The following TSPAN9 variants were observed in gnomAD, a reference collection of about 807,000 sequenced individuals.
TSPAN9 encodes the protein tetraspanin-9.
Under a neutral mutation model 31.0 loss-of-function variants are expected in TSPAN9, and 16 were observed. The ratio of observed to expected loss-of-function variants is 0.52; its 90% confidence interval spans 0.35 to 0.78. The LOEUF (loss-of-function observed/expected upper bound fraction) is 0.78, where lower values mean the gene tolerates loss of function less well. Ranked by LOEUF, TSPAN9 falls within the 30% of genes least tolerant of loss-of-function variation. The probability of loss-of-function intolerance (pLI) is 0.01; values close to 1 mark genes in which losing one functional copy is unlikely to be tolerated. For missense variants in TSPAN9, 272 were observed against 312.5 expected, an observed-to-expected ratio of 0.87 and a Z score of 0.98; for synonymous variants, 145 against 121.6, an observed-to-expected ratio of 1.19 and a Z score of -1.27.
chr12:3,249,842 C>T (rs1300114217), intron 3 of TSPAN9, among the ~76,000 whole-genome samples: 4 of 152,164 alleles, frequency 2.6e-5, no homozygotes, highest in Non-Finnish European at 2.9e-5. Context: ...CTCCAAATCC[C>T]GCATGTTTTC....
chr12:3,089,544 C>G (rs1433645175), intron 2 of TSPAN9, among the ~76,000 whole-genome samples: 2 of 151,934 alleles, frequency 1.3e-5, no homozygotes, highest in Non-Finnish European at 2.9e-5. Flanking sequence ...ATCCGCCCTC[C>G]TTGGCCTCCC....
chr12:3,126,426 A>G (rs979086641), intron 2 of TSPAN9, among the ~76,000 whole-genome samples: 6 of 152,222 alleles, frequency 3.9e-5, no homozygotes, highest in Admixed American at 6.5e-5. Flanking sequence ...ACTGTAGGCA[A>G]TTCTAACACA....
chr12:3,186,330 T>C (rs2098361292), intron 2 of TSPAN9, among the ~76,000 whole-genome samples: 1 of 152,136 alleles, frequency 6.6e-6, no homozygotes, highest in South Asian at 2.1e-4. Flanking sequence ...TGGAGTGTGC[T>C]GGGGGAGGTA....
chr12:3,276,817 C>T (rs1327657894), intron 3 of TSPAN9, among the ~76,000 whole-genome samples: 3 of 152,134 alleles, frequency 2.0e-5, no homozygotes, highest in South Asian at 2.1e-4. Context: ...GCACTGAATA[C>T]GCAGGTGTTC....
At chr12:3,095,880 C>G (rs1312590004) in intron 2 of TSPAN9, among the ~76,000 whole-genome samples, 1 of 148,962 alleles carries the variant, frequency 6.7e-6, no homozygotes, top group Non-Finnish European at 1.5e-5. Flanking sequence ...GGGCTCCTCA[C>G]ATCCCAGACG....
intron 2 of TSPAN9, among the ~76,000 whole-genome samples, chr12:3,178,172 C>G (rs1421062381): frequency 6.6e-6 from 1 of 152,190 alleles, no homozygotes; most frequent in African/African-American, 2.4e-5. Context: ...CTCCGCTACC[C>G]ACGTATCCAC....
intron 3 of TSPAN9, among the ~76,000 whole-genome samples, chr12:3,220,145 C>CAAAA (rs55735802): frequency 6.6e-5 from 9 of 137,348 alleles, no homozygotes; most frequent in East Asian, 2.1e-4. Context: ...AACTCTGTCT[C>CAAAA]AAAAAAAAAA....
chr12:3,271,444 G>A (rs1403395902), intron 3 of TSPAN9, among the ~76,000 whole-genome samples: 2 of 152,074 alleles, frequency 1.3e-5, no homozygotes, highest in African/African-American at 4.8e-5. Context: ...CTTGTTCTTA[G>A]TGGGCTTCTT....
chr12:3,141,694 C>T (rs1565590657), intron 2 of TSPAN9, among the ~76,000 whole-genome samples: 2 of 152,170 alleles, frequency 1.3e-5, no homozygotes, highest in Admixed American at 1.3e-4. Flanking sequence ...GGCTGCGCGG[C>T]CTCTGTGTTG....
At position 3,143,609 on chromosome 12, in the gene TSPAN9, A is replaced by C. The variant is rs1289571446; in HGVS notation, c.-17-57568A>C. Among the ~76,000 whole-genome samples the C allele has an allele frequency of 6.6e-6, 1 of 152,188 alleles. No homozygotes were observed. The highest frequency in any genetic ancestry group is 2.4e-5 in the African/African-American group (1 of 41,462). ...AAAAGTATAAATGTATGGATATAGGATATATAATAAATATCAGGATATATA... is the reference window on the plus strand; with the variant it reads ...AAAAGTATAAATGTATGGATATAGGCTATATAATAAATATCAGGATATATA... On this transcript the variant is annotated intron_variant, in intron 2 of 8. Transcript: ENST00000011898. This position sits in a 1 kb window ranked among gnomAD's most constrained non-coding sequence, Gnocchi z 4.2.
chr12:3,282,040 C>A (rs931997685), intron 8 of TSPAN9: 27 of 704,852 alleles, frequency 3.8e-5, no homozygotes, highest in Non-Finnish European at 5.8e-5. Context: ...CTGCCTGTGG[C>A]CAGGCCCAGG....
chr12:3,219,848 T>TAAAAAAAAA (rs552211012), intron 3 of TSPAN9, among the ~76,000 whole-genome samples: 1 of 135,918 alleles, frequency 7.4e-6, no homozygotes, highest in African/African-American at 2.8e-5. Flanking sequence ...CTTAAACTAT[T>TAAAAAAAAA]AAAAAAAAAA....
chr12:3,109,204 G>A (rs2098316632), intron 2 of TSPAN9, among the ~76,000 whole-genome samples: 1 of 151,276 alleles, frequency 6.6e-6, no homozygotes, highest in Non-Finnish European at 1.5e-5. Flanking sequence ...CCAGAGTGCT[G>A]GGATTACAGG....
At chr12:3,199,293 C>T (rs1283973882) in intron 2 of TSPAN9, among the ~76,000 whole-genome samples, 3 of 152,208 alleles carry the variant, frequency 2.0e-5, no homozygotes, top group African/African-American at 7.2e-5. Flanking sequence ...AAATGTGGCT[C>T]TTGCCCTCGG....
At chr12:3,128,403 G>C (rs2098328287) in intron 2 of TSPAN9, among the ~76,000 whole-genome samples, 1 of 152,178 alleles carries the variant, frequency 6.6e-6, no homozygotes, top group Non-Finnish European at 1.5e-5. Context: ...CAGAAGGCGT[G>C]ATTTCAGAGT....
At chr12:3,101,211 T>C (rs565462413) in intron 2 of TSPAN9, among the ~76,000 whole-genome samples, 2 of 152,286 alleles carry the variant, frequency 1.3e-5, no homozygotes, top group Non-Finnish European at 1.5e-5. Context: ...TTTTCCAACA[T>C]GTGTAGGATT....
At chr12:3,148,829 C>A (rs928075447) in intron 2 of TSPAN9, among the ~76,000 whole-genome samples, 1 of 152,204 alleles carries the variant, frequency 6.6e-6, no homozygotes, top group Non-Finnish European at 1.5e-5. Flanking sequence ...CCAGCCTCCC[C>A]ACGGCTGCAG....
At position 3,277,382 on chromosome 12, in the gene TSPAN9, G is replaced by A. The variant is rs564324744; in HGVS notation, c.64-1039G>A. ...CAGTGATTGCCTCCTCTGAGCGCCC[G>A]TAGCGTTGACTGGGCACCAGTCCAT... On this transcript the variant is annotated intron_variant, in intron 3 of 8. Coordinates refer to ENST00000011898, the MANE Select transcript of TSPAN9 (RefSeq NM_006675.5). Among the ~76,000 whole-genome samples the A allele has an allele frequency of 3.9e-5, 6 of 152,314 alleles. No individual in the cohort carries two copies. The East Asian group carries it at 5.8e-4, about 15-fold the overall frequency.
At chr12:3,109,171 C>A (rs36139504) in intron 2 of TSPAN9, among the ~76,000 whole-genome samples, 3,314 of 151,650 alleles carry the variant, frequency 0.022, 97 homozygotes, top group African/African-American at 0.069. Context: ...CTCCTGACCT[C>A]GTGATCCGCC....
Sources: gnomAD v4.1 joint callset for allele counts (sites outside exome capture counted in the v4.1 genomes callset) on GRCh38, gnomAD v4.1.1 for gene constraint, Gnocchi (gnomAD v3.1) non-coding constraint, MANE v1.5 for transcripts, NCBI Gene and HGNC (gene_info 2026-07-23, HGNC 2026-07-21) for gene names.